The following SNTG1 variants were observed in gnomAD, a reference collection of about 807,000 sequenced individuals.
The protein encoded by SNTG1 is gamma-1-syntrophin.
In SNTG1, 39 loss-of-function variants were observed where a neutral mutation model predicts 74.7. The observed-to-expected ratio is 0.52, with a 90% confidence interval of 0.40 to 0.68. The LOEUF is 0.68. Ranked by LOEUF, SNTG1 falls within the 30% of genes least tolerant of loss-of-function variation. The pLI, the probability that SNTG1 is intolerant of heterozygous loss-of-function variation, is 0.00. For synonymous variants in SNTG1, 254 were observed against 217.1 expected, an observed-to-expected ratio of 1.17 and a Z score of -1.49; for missense variants, 685 against 609.5, an observed-to-expected ratio of 1.12 and a Z score of -1.30.
chr8:50,215,093 C>G (rs748523278), intron 2 of SNTG1, among the ~76,000 whole-genome samples: 16 of 152,006 alleles, frequency 1.1e-4, no homozygotes, highest in Non-Finnish European at 1.6e-4. Flanking sequence ...CACCAGATGG[C>G]CACATGTGCA....
intron 1 of SNTG1, among the ~76,000 whole-genome samples, chr8:50,117,962 G>T (rs916307430): frequency 6.6e-6 from 1 of 152,124 alleles, no homozygotes; most frequent in Non-Finnish European, 1.5e-5. Flanking sequence ...GCTATGTGAA[G>T]TTGGCCCTGG....
At chr8:49,991,105 A>C (rs1310338981) in intron 1 of SNTG1, among the ~76,000 whole-genome samples, 1 of 152,188 alleles carries the variant, frequency 6.6e-6, no homozygotes, top group Admixed American at 6.5e-5. Context: ...TAAAAAGACA[A>C]TAATTTAACT....
Position 50,005,404 on chromosome 8 carries a change from T to C in SNTG1, c.-103+93173T>C, listed in dbSNP as rs557242543. Among the ~76,000 whole-genome samples, 741 of 152,078 alleles carry C rather than the reference T, an allele frequency of 4.9e-3. 4 individuals carry two copies. The highest frequency in any genetic ancestry group is 7.9e-3 in the Non-Finnish European group (536 of 67,948). On this transcript the variant is annotated intron_variant, in intron 1 of 18. Transcript: ENST00000642720. ...TAAACCCAAAAATTTCCTTTTATGT[T>C]TCTCATATTGTAAAAAGGAACAGTG... is the stretch of plus-strand genomic sequence containing the variant.
intron 1 of SNTG1, chr8:50,164,329 A>G (rs2082537270): frequency 6.6e-6 from 1 of 152,110 alleles, no homozygotes; most frequent in Non-Finnish European, 1.5e-5. Context: ...TCCAGTATCA[A>G]ATTCTGAAAG....
chr8:50,324,358 C>T (rs572291077), intron 2 of SNTG1, among the ~76,000 whole-genome samples: 2 of 152,336 alleles, frequency 1.3e-5, no homozygotes, highest in Admixed American at 6.5e-5. Flanking sequence ...CAGTTGTTGG[C>T]ATTGGCAATT....
intron 1 of SNTG1, among the ~76,000 whole-genome samples, chr8:50,042,563 A>G (rs1341283140): frequency 6.6e-6 from 1 of 152,054 alleles, no homozygotes; most frequent in Admixed American, 6.5e-5. Context: ...GGTCTTTAAA[A>G]AAGAAAAAGA....
intron 1 of SNTG1, among the ~76,000 whole-genome samples, chr8:50,035,245 T>C (rs142695010): frequency 2.8e-4 from 43 of 152,306 alleles, no homozygotes; most frequent in African/African-American, 1.0e-3. Context: ...ATTTCTTGAA[T>C]AAAAGAATCC....
chr8:49,924,386 G>A (rs1170783629), intron 1 of SNTG1, among the ~76,000 whole-genome samples: 1 of 152,054 alleles, frequency 6.6e-6, no homozygotes, highest in African/African-American at 2.4e-5. Flanking sequence ...AATGATCAGG[G>A]GCAAATACAG....
intron 1 of SNTG1, among the ~76,000 whole-genome samples, chr8:49,929,405 T>C (rs1807345063): frequency 6.6e-6 from 1 of 152,200 alleles, no homozygotes; most frequent in African/African-American, 2.4e-5. Flanking sequence ...ATGTAGAGCT[T>C]GTGCAGGCCA....
intron 4 of SNTG1, among the ~76,000 whole-genome samples, chr8:50,418,574 C>T (rs1012630105): frequency 6.6e-6 from 1 of 152,118 alleles, no homozygotes; most frequent in South Asian, 2.1e-4. Flanking sequence ...ATATCTTACC[C>T]TGTCCTGTTC....
intron 5 of SNTG1, among the ~76,000 whole-genome samples, chr8:50,441,496 G>A (rs1033004153): frequency 1.3e-5 from 2 of 152,020 alleles, no homozygotes; most frequent in African/African-American, 4.8e-5. Flanking sequence ...ACCACATTGA[G>A]GAGGGTTCCT....
intron 1 of SNTG1, among the ~76,000 whole-genome samples, chr8:50,070,269 T>A (rs866810751): frequency 7.2e-5 from 11 of 152,352 alleles, no homozygotes; most frequent in Middle Eastern, 3.4e-3. Flanking sequence ...TCTTTCCGTC[T>A]TTTTGAAAAT....
At chr8:50,701,618 C>CTTCTTCCTCTT (rs201341360) in intron 15 of SNTG1, among the ~76,000 whole-genome samples, 1 of 136,890 alleles carries the variant, frequency 7.3e-6, no homozygotes, top group African/African-American at 3.2e-5. Flanking sequence ...TCTTCTTCTT[C>CTTCTTCCTCTT]GTGTTCCTCT....
chr8:50,557,286 G>A (rs1405063806), intron 12 of SNTG1, among the ~76,000 whole-genome samples: 15 of 151,268 alleles, frequency 9.9e-5, no homozygotes, highest in Non-Finnish European at 2.2e-4. Flanking sequence ...GACATACAGA[G>A]ATTATAGGAT....
At chr8:50,138,785 A>G (rs897222829) in intron 1 of SNTG1, among the ~76,000 whole-genome samples, 1 of 151,966 alleles carries the variant, frequency 6.6e-6, no homozygotes, top group African/African-American at 2.4e-5. Flanking sequence ...TATCTATTTT[A>G]AACAGAAAAA....
At chr8:50,499,565 T>C (rs545738538) in intron 8 of SNTG1, among the ~76,000 whole-genome samples, 75 of 151,804 alleles carry the variant, frequency 4.9e-4, no homozygotes, top group African/African-American at 1.6e-3. Context: ...TATGGAAATG[T>C]TGACTAAAAG....
intron 17 of SNTG1, among the ~76,000 whole-genome samples, chr8:50,711,207 C>T (rs2095460691): frequency 6.6e-6 from 1 of 152,058 alleles, no homozygotes; most frequent in African/African-American, 2.4e-5. Flanking sequence ...TCAAAACATG[C>T]TTTGTCTAAT....
At chr8:50,330,027 G>C (rs1257817964) in intron 2 of SNTG1, among the ~76,000 whole-genome samples, 1 of 152,138 alleles carries the variant, frequency 6.6e-6, no homozygotes, top group Non-Finnish European at 1.5e-5. Context: ...ATCCATTTGA[G>C]ACCACCTCAG....
At chr8:50,554,127 GA>G (rs1489995127) in intron 12 of SNTG1, among the ~76,000 whole-genome samples, 1 of 152,150 alleles carries the variant, frequency 6.6e-6, no homozygotes, top group African/African-American at 2.4e-5. Flanking sequence ...TGAAACCTAA[GA>G]AAGGATTGTG....
Sources: allele counts gnomAD v4.1 joint callset (sites outside exome capture counted in the v4.1 genomes callset), GRCh38; gene constraint gnomAD v4.1.1; transcripts MANE v1.5; gene names NCBI Gene and HGNC (gene_info 2026-07-23, HGNC 2026-07-21).